Variants in SLC13A5 observed in about 807,000 individuals in gnomAD.
The protein encoded by SLC13A5 is solute carrier family 13 member 5, also known as Na(+)/citrate cotransporter.
A neutral mutation model predicts 56.5 loss-of-function variants in SLC13A5; 25 were observed. That is an observed-to-expected ratio of 0.44 (90% CI 0.32 to 0.62). SLC13A5 has a LOEUF of 0.62. SLC13A5 is among the 20% of genes least tolerant of loss of function. SLC13A5 has a pLI of 0.04. For synonymous variants in SLC13A5, 307 were observed against 301.5 expected, an observed-to-expected ratio of 1.02 and a Z score of -0.19; for missense variants, 649 against 737.8, an observed-to-expected ratio of 0.88 and a Z score of 1.39.
At chr17:6,702,081 T>G (rs1973730167) in intron 5 of SLC13A5, among the ~76,000 whole-genome samples, 1 of 152,342 alleles carries the variant, frequency 6.6e-6, no homozygotes, top group Non-Finnish European at 1.5e-5. Flanking sequence ...ACAAACGGGT[T>G]GTTGAACCTC....
At chr17:6,695,557 T>G (rs1416264105) in intron 7 of SLC13A5, 169 bp downstream of exon 7, 12 of 606,086 alleles carry the variant, frequency 2.0e-5, no homozygotes, top group Non-Finnish European at 2.9e-5. Flanking sequence ...GCCTCGCTAA[T>G]TTTCTGTATT....
Position 6,711,709 on chromosome 17 carries a change from G to T in SLC13A5, c.102+1523C>A, listed in dbSNP as rs542733942. On this transcript the variant is annotated intron_variant, in intron 1 of 11. Transcript: ENST00000433363. This position sits in a 1 kb window ranked among gnomAD's most constrained non-coding sequence, Gnocchi z 4.0. ...TGTGAGTGTGTGTGTGTGAGAGAGA[G>T]AGTGTGTATGTGTGTGTGTGTGAGT... Among the ~76,000 whole-genome samples, 1 of 151,538 alleles carries T rather than the reference G, an allele frequency of 6.6e-6. No individual in the cohort carries two copies. The highest frequency in any genetic ancestry group is 6.6e-5 in the Admixed American group (1 of 15,204).
intron 6 of SLC13A5, among the ~76,000 whole-genome samples, chr17:6,697,669 C>G (rs1179654189): frequency 6.6e-6 from 1 of 152,292 alleles, no homozygotes. Context: ...GATTCTTGAG[C>G]TTTGCATGCC....
rs201674669 is a variant in SLC13A5, at chr17:6,703,022, C to A, written c.664G>T (p.Ala222Ser). 4.0e-5 allele frequency: 65 copies of A among 1,614,092 alleles called. No individual in the cohort carries two copies. The highest frequency in any genetic ancestry group is 2.5e-6 in the Non-Finnish European group (3 of 1,180,050). ...ICYAASIGGTATLTGTGPNVV... is the reference protein window; with the variant it reads ...ICYAASIGGTSTLTGTGPNVV... ...TTGGGTCCCGTCCCGGTCAGGGTGG[C>A]GGTGCCCCCGATGCTGGCCGCGTAG... Residue 222 changes from alanine to serine, a missense_variant, in exon 5 of 12, where the codon GCC becomes TCC. Coordinates refer to ENST00000433363, the MANE Select transcript of SLC13A5 (RefSeq NM_177550.5).
Position 6,692,964 on chromosome 17 carries a change from C to G in SLC13A5, c.1275+80G>C. 6.6e-6 allele frequency: 7 copies of G among 1,056,584 alleles called. No homozygotes were observed. The highest frequency in any genetic ancestry group is 1.0e-5 in the Non-Finnish European group (7 of 672,782). The allele number at this position is 1,056,584 out of a possible 1,614,324, so 65.5% of individuals were successfully genotyped here. On this transcript the variant is annotated intron_variant, in intron 9 of 11. Coordinates refer to ENST00000433363, the MANE Select transcript of SLC13A5 (RefSeq NM_177550.5). The surrounding 1 kb of genome is among the most constrained non-coding windows in gnomAD (Gnocchi z 5.5). Reference sequence around the variant, plus strand: ...GGATGCAGGCACAGAAACACACAAGCCCAGGGATGGAAGGGTGGAGAAACG... The same window carrying G: ...GGATGCAGGCACAGAAACACACAAGGCCAGGGATGGAAGGGTGGAGAAACG...
Position 6,690,775 on chromosome 17 carries a change from T to C in SLC13A5, c.1437+4A>G, listed in dbSNP as rs1973384855. On this transcript the variant is annotated splice_donor_region_variant and intron_variant, in intron 10 of 11. Coordinates refer to ENST00000433363, the MANE Select transcript of SLC13A5 (RefSeq NM_177550.5). ...GGGCTCCTCCCCACTGTCAGGTTAC[T>C]TACCATGGAGGCAAAGATGGGCAGG... 1 of 1,614,094 alleles carries C rather than the reference T, an allele frequency of 6.2e-7. No homozygotes were observed. The highest frequency in any genetic ancestry group is 1.3e-5 in the African/African-American group (1 of 74,934).
At chr17:6,688,443 T>C in intron 10 of SLC13A5, 1 of 152,232 alleles carries the variant, frequency 6.6e-6, no homozygotes, top group Non-Finnish European at 1.5e-5. Context: ...CTCTCCAAGA[T>C]AACCAAGGCT....
In SLC13A5 at chr17:6,692,263, G is replaced by A. The variant is rs922078936; in HGVS notation, c.1275+781C>T. Among the ~76,000 whole-genome samples, 6 of 151,802 alleles carry A rather than the reference G, an allele frequency of 4.0e-5. No individual in the cohort carries two copies. Among genetic ancestry groups the A allele is most frequent in the African/African-American group, 1.5e-4 (6 of 41,274 alleles). On this transcript the variant is annotated intron_variant, in intron 9 of 11. Coordinates refer to ENST00000433363, the MANE Select transcript of SLC13A5 (RefSeq NM_177550.5). This position sits in a 1 kb window ranked among gnomAD's most constrained non-coding sequence, Gnocchi z 5.5. ...TGGATGGATGGATGGATGGATGGAT[G>A]GATGGATGGATGGACGGATGGACGG...
chr17:6,698,905 G>A (rs1973630261), intron 6 of SLC13A5, among the ~76,000 whole-genome samples: 1 of 151,846 alleles, frequency 6.6e-6, no homozygotes, highest in Non-Finnish European at 1.5e-5. Context: ...CAGGCATGGT[G>A]GTGGTGGGTG....
intron 6 of SLC13A5, among the ~76,000 whole-genome samples, chr17:6,697,930 G>T (rs1264162852): frequency 6.6e-6 from 1 of 152,222 alleles, no homozygotes; most frequent in Non-Finnish European, 1.5e-5. Flanking sequence ...AGGAACTCTA[G>T]TGAGAGCAAC....
rs59197080 is a variant in SLC13A5 at position 6,711,485 on chromosome 17, GGT to G, written c.102+1745_102+1746del. 0.085 allele frequency among the ~76,000 whole-genome samples: 12,600 copies of G among 147,826 alleles called. 520 individuals are homozygous for G. Among genetic ancestry groups the G allele is most frequent in the Non-Finnish European group, 0.11 (7,180 of 66,662 alleles). On this transcript the variant is annotated intron_variant, in intron 1 of 11. Coordinates refer to ENST00000433363, the MANE Select transcript of SLC13A5 (RefSeq NM_177550.5). This position sits in a 1 kb window ranked among gnomAD's most constrained non-coding sequence, Gnocchi z 4.0. ...CACTGAGTTAGGGTTTCCAGTTCAGGGTGTGTGTGTGTGTGTGTGTGTATGTG... is the reference window on the plus strand; with the variant it reads ...CACTGAGTTAGGGTTTCCAGTTCAGGGTGTGTGTGTGTGTGTGTGTATGTG...
rs1255166541 is a variant in SLC13A5, at chr17:6,711,364, G to T, written c.102+1868C>A. On this transcript the variant is annotated intron_variant, in intron 1 of 11. Transcript: ENST00000433363. This position sits in a 1 kb window ranked among gnomAD's most constrained non-coding sequence, Gnocchi z 4.0. Reference sequence around the variant, plus strand: ...CAGCCTTTGGAAGGACTCTCCCTGGGTTCTCTTCTTCCCCTCCCTGGTCCT... The same window carrying T: ...CAGCCTTTGGAAGGACTCTCCCTGGTTTCTCTTCTTCCCCTCCCTGGTCCT... Among the ~76,000 whole-genome samples, 5 of 152,060 alleles carry T rather than the reference G, an allele frequency of 3.3e-5. No individual in the cohort carries two copies. Among genetic ancestry groups the T allele is most frequent in the African/African-American group, 1.2e-4 (5 of 41,406 alleles).
intron 1 of SLC13A5, among the ~76,000 whole-genome samples, chr17:6,710,439 G>A (rs1043696864): frequency 3.9e-5 from 6 of 152,104 alleles, no homozygotes; most frequent in African/African-American, 9.7e-5. Flanking sequence ...CAAAGTCCTC[G>A]GTAACTTTTG....
In SLC13A5 at chr17:6,701,721, A is replaced by C. The variant is rs1973719218; in HGVS notation, c.717-595T>G. ...CGAGACTTGTCTCAAAAAGAAAAAA[A>C]AGAAAAATACACCTTTTATACACAT... On this transcript the variant is annotated intron_variant, in intron 5 of 11. Coordinates refer to ENST00000433363, the MANE Select transcript of SLC13A5 (RefSeq NM_177550.5). The surrounding 1 kb of genome is among the most constrained non-coding windows in gnomAD (Gnocchi z 4.1). 6.6e-6 allele frequency among the ~76,000 whole-genome samples: 1 copy of C among 152,230 alleles called. No individual in the cohort carries two copies. The highest frequency in any genetic ancestry group is 1.5e-5 in the Non-Finnish European group (1 of 68,038).
In SLC13A5 at chr17:6,710,587, G is replaced by C. The variant is rs148342258; in HGVS notation, c.102+2645C>G. Among the ~76,000 whole-genome samples the C allele has an allele frequency of 3.1e-3, 479 of 152,258 alleles. 6 individuals carry two copies. Among genetic ancestry groups the C allele is most frequent in the African/African-American group, 0.011 (457 of 41,542 alleles). ...CCCCTCACCTCCGCGCCACTATTTA[G>C]AAGCCCAGGAGGTGCCTCATCCCTG... On this transcript the variant is annotated intron_variant, in intron 1 of 11. Coordinates refer to ENST00000433363, the MANE Select transcript of SLC13A5 (RefSeq NM_177550.5).
intron 6 of SLC13A5, among the ~76,000 whole-genome samples, chr17:6,697,765 A>G (rs73976251): frequency 0.059 from 8,968 of 152,118 alleles, 547 homozygotes; most frequent in African/African-American, 0.16. Flanking sequence ...ACCAGTAATA[A>G]TATCCCATGT....
In SLC13A5 at chr17:6,707,124, C is replaced by T. The variant is rs1311732049; in HGVS notation, c.135G>A (p.Met45Ile). The change falls in exon 2 of 12, where the codon ATG becomes ATA. Residue 45 changes from methionine to isoleucine, a missense_variant. By Grantham distance (10) the Met-to-Ile change is conservative. Transcript: ENST00000433363. ...FVRCAYVIIL[M>I]AIYWCTEVIP... Reference sequence around the variant, plus strand: ...TGACTTCTGTGCACCAGTAAATGGCCATGAGGATGATGACGTAGGCACACC... The same window carrying T: ...TGACTTCTGTGCACCAGTAAATGGCTATGAGGATGATGACGTAGGCACACC... 3 of 1,614,062 alleles carry T rather than the reference C, an allele frequency of 1.9e-6. No individual in the cohort carries two copies. The highest frequency in any genetic ancestry group is 2.5e-6 in the Non-Finnish European group (3 of 1,180,026).
intron 1 of SLC13A5, among the ~76,000 whole-genome samples, chr17:6,710,318 C>A (rs534469280): frequency 2.0e-5 from 3 of 152,314 alleles, no homozygotes; most frequent in South Asian, 2.1e-4. Context: ...TAAACAATGT[C>A]GCTCATAAAT....
chr17:6,703,186 C>A, intron 4 of SLC13A5, 48 bp from the exon 5 acceptor site: 1 of 1,605,058 alleles, frequency 6.2e-7, no homozygotes, highest in Non-Finnish European at 8.5e-7. Context: ...GGGGGCTGCC[C>A]ACCCAGCCCC....
Sources: allele counts gnomAD v4.1 joint callset (sites outside exome capture counted in the v4.1 genomes callset), GRCh38; gene constraint gnomAD v4.1.1; non-coding constraint Gnocchi (gnomAD v3.1); transcripts MANE v1.5; gene names NCBI Gene and HGNC (gene_info 2026-07-23, HGNC 2026-07-21).